FBXL13: variants seen among roughly 807,000 people sequenced by gnomAD.
FBXL13 encodes the protein F-box and leucine rich repeat protein 13, also known as F-box and leucine-rich repeat protein 13.
Under a neutral mutation model 83.6 loss-of-function variants are expected in FBXL13, and 67 were observed. The observed-to-expected ratio is 0.80, with a 90% CI of 0.66 to 0.98. The LOEUF (loss-of-function observed/expected upper bound fraction) is 0.98. FBXL13 is among the 50% of genes least tolerant of loss of function. FBXL13 has a pLI of 0.00. For missense variants in FBXL13, 822 were observed against 866.5 expected (o/e 0.95, Z 0.64); for synonymous variants, 272 against 299.5 (o/e 0.91, Z 0.95).
chr7:102,949,210 G>A (rs1006553862), intron 8 of FBXL13, among the ~76,000 whole-genome samples: 1 of 152,170 alleles, frequency 6.6e-6, no homozygotes, highest in Non-Finnish European at 1.5e-5. Context: ...TCTTAGCTGG[G>A]GTAGGGGTTG....
rs769413596 is a variant in FBXL13, at chr7:103,066,396, C to CT, written c.-105+7849dup. Among the ~76,000 whole-genome samples, 897 of 143,522 alleles carry CT rather than the reference C, an allele frequency of 6.2e-3. 3 individuals are homozygous for CT. Among genetic ancestry groups the CT allele is most frequent in the African/African-American group, 0.016 (621 of 39,402 alleles). The allele number at this position is 143,522 out of a possible 152,430, so 94.2% of individuals were successfully genotyped here. On this transcript the variant is annotated intron_variant, in intron 1 of 19. Transcript: ENST00000313221. ...TTTGTGGCTATTATGAATGTAATTTCTTTTTTTTTTTTTGAGACAGAGTCT... is the reference window on the plus strand; with the variant it reads ...TTTGTGGCTATTATGAATGTAATTTCTTTTTTTTTTTTTTGAGACAGAGTCT...
intron 16 of FBXL13, among the ~76,000 whole-genome samples, chr7:102,860,707 T>G (rs1584669978): frequency 6.6e-6 from 1 of 152,132 alleles, no homozygotes. Flanking sequence ...GGTGTGTACT[T>G]ACTATACGGC....
At position 103,060,038 on chromosome 7, in the gene FBXL13, ATATATATATATATATATATATATATAC is replaced by A. The variant is rs1319451179; in HGVS notation, c.-104-4318_-104-4292del. Among the ~76,000 whole-genome samples the A allele has an allele frequency of 3.1e-5, 3 of 95,348 alleles. No homozygotes were observed. The East Asian group carries it at 1.1e-3, about 34-fold the overall frequency. 62.6% of individuals were successfully genotyped at this position (95,348 alleles called of 152,430 possible). On this transcript the variant is annotated intron_variant, in intron 1 of 19. Transcript: ENST00000313221. ...AGATATTTTATATATATATATATAT[ATATATATATATATATATATATATATAC>A]TTTTTTTTTTTTTTGAGACAAGGTC...
At chr7:102,953,569 T>G (rs968569569) in intron 8 of FBXL13, among the ~76,000 whole-genome samples, 1 of 152,144 alleles carries the variant, frequency 6.6e-6, no homozygotes, top group Non-Finnish European at 1.5e-5. Flanking sequence ...AGCTTCCTCT[T>G]TGGGCTGATG....
At position 103,009,919 on chromosome 7, in the gene FBXL13, C is replaced by T. The variant is rs1791414095; in HGVS notation, c.495+15144G>A. 1.3e-5 allele frequency among the ~76,000 whole-genome samples: 2 copies of T among 152,164 alleles called. 1 individual carries two copies. Among genetic ancestry groups the T allele is most frequent in the Non-Finnish European group, 2.9e-5 (2 of 68,004 alleles). The stretch of plus-strand genomic sequence containing the variant: ...TAGGAAACACCTGGACAGTAGACAC[C>T]TGCCCCCACCACTGGTAGCCAGGCT... On this transcript the variant is annotated intron_variant, in intron 6 of 19. Coordinates refer to ENST00000313221, the Ensembl canonical transcript of FBXL13.
At chr7:103,033,605 G>GCCTT (rs1285177092) in intron 2 of FBXL13, among the ~76,000 whole-genome samples, 13 of 152,242 alleles carry the variant, frequency 8.5e-5, no homozygotes, top group Admixed American at 7.8e-4. Context: ...CAGCGCGTCT[G>GCCTT]GAGTTGTTCG....
chr7:102,976,860 T>C (rs1284489037), intron 6 of FBXL13, among the ~76,000 whole-genome samples: 2 of 152,214 alleles, frequency 1.3e-5, no homozygotes, highest in African/African-American at 4.8e-5. Context: ...CTCAGGCTTA[T>C]TAACCAAGCT....
intron 17 of FBXL13, among the ~76,000 whole-genome samples, chr7:102,839,019 G>A (rs1297375338): frequency 2.0e-5 from 3 of 152,216 alleles, no homozygotes; most frequent in Admixed American, 6.5e-5. Flanking sequence ...CCTGCCCCTG[G>A]AAACGGCATG....
chr7:103,020,332 A>G (rs1267083772), intron 6 of FBXL13, among the ~76,000 whole-genome samples: 5 of 152,208 alleles, frequency 3.3e-5, no homozygotes, highest in Admixed American at 2.6e-4. Flanking sequence ...CCTAAAAATA[A>G]TAAGAGCTAT....
chr7:102,958,197 C>A (rs1022090234), intron 8 of FBXL13, among the ~76,000 whole-genome samples: 2 of 152,156 alleles, frequency 1.3e-5, no homozygotes, highest in African/African-American at 4.8e-5. Flanking sequence ...CCATGGAATA[C>A]TATGCAGCCA....
chr7:102,858,696 G>A (rs564070220), intron 16 of FBXL13, among the ~76,000 whole-genome samples: 6 of 152,252 alleles, frequency 3.9e-5, no homozygotes, highest in South Asian at 4.1e-4. Flanking sequence ...CTATATGAAC[G>A]AAACTTGAAA....
chr7:102,932,078 TC>T, intron 8 of FBXL13, 145 bp from the exon 10 acceptor site: 1 of 680,048 alleles, frequency 1.5e-6, no homozygotes, highest in Non-Finnish European at 2.3e-6. Flanking sequence ...ATGGTTTCTT[TC>T]CCCAGAAAAA....
chr7:102,968,189 CTGTG>C (rs371823711), intron 6 of FBXL13, 72 bp from the exon 8 acceptor site: 6 of 1,010,716 alleles, frequency 5.9e-6, no homozygotes, highest in African/African-American at 1.6e-5. Flanking sequence ...TACCTTTTGT[CTGTG>C]TGTGTGCACA....
chr7:102,910,906 G>A lies in FBXL13; in HGVS notation c.1008+2180C>T, dbSNP rs548443741. On this transcript the variant is annotated intron_variant, in intron 11 of 19. Coordinates refer to ENST00000313221, the Ensembl canonical transcript of FBXL13. The stretch of plus-strand genomic sequence containing the variant: ...CCCAGGCAGCTGGGACCAGAGGCAT[G>A]CACCACCATGCCTGGCCAATTTTTT... 1.2e-4 allele frequency among the ~76,000 whole-genome samples: 19 copies of A among 152,246 alleles called. 1 individual carries two copies. Among genetic ancestry groups the A allele is most frequent in the Admixed American group, 9.2e-4 (14 of 15,294 alleles).
intron 2 of FBXL13, chr7:103,046,686 G>GA (rs1035379367): frequency 2.0e-5 from 3 of 151,966 alleles, no homozygotes; most frequent in Non-Finnish European, 2.9e-5. Flanking sequence ...CATAAATAAG[G>GA]AAAAAATATT....
At chr7:102,918,570 C>G (rs1337293968) in intron 10 of FBXL13, among the ~76,000 whole-genome samples, 1 of 152,182 alleles carries the variant, frequency 6.6e-6, no homozygotes, top group Non-Finnish European at 1.5e-5. Flanking sequence ...AACCCCAGCA[C>G]TTTGGGAAGC....
chr7:102,867,255 G>T (rs905026417), intron 16 of FBXL13, among the ~76,000 whole-genome samples: 2 of 152,126 alleles, frequency 1.3e-5, no homozygotes, highest in Non-Finnish European at 2.9e-5. Flanking sequence ...CTACTTGGGA[G>T]GCTGAGGCAG....
At chr7:102,911,530 C>T (rs926859677) in intron 11 of FBXL13, among the ~76,000 whole-genome samples, 1 of 152,110 alleles carries the variant, frequency 6.6e-6, no homozygotes, top group Admixed American at 6.5e-5. Flanking sequence ...CAAAGTTAGG[C>T]TTCTACCCAC....
At chr7:102,967,884 AC>A (rs1204075501) in intron 7 of FBXL13, 137 bp downstream of exon 8, 4 of 538,808 alleles carry the variant, frequency 7.4e-6, no homozygotes, top group Non-Finnish European at 1.3e-5. Flanking sequence ...TTGTGCCTGG[AC>A]AAAAGAAAAC....
Sources: allele counts gnomAD v4.1 joint callset (sites outside exome capture counted in the v4.1 genomes callset), GRCh38; gene constraint gnomAD v4.1.1; transcripts MANE v1.5; gene names NCBI Gene and HGNC (gene_info 2026-07-23, HGNC 2026-07-21).